The following EHD2 variants were observed in gnomAD, a reference collection of about 807,000 sequenced individuals.
The protein encoded by EHD2 is EH domain-containing protein 2.
In EHD2, 27 loss-of-function variants were observed where a neutral mutation model predicts 41.0. The observed-to-expected ratio is 0.66, with a 90% CI of 0.49 to 0.91. The LOEUF (loss-of-function observed/expected upper bound fraction) is 0.91, where lower values mean the gene tolerates loss of function less well. Ranked by LOEUF, EHD2 falls within the 40% of genes least tolerant of loss-of-function variation. EHD2 has a pLI of 0.00. For synonymous variants in EHD2, 342 were observed against 341.0 expected, an observed-to-expected ratio of 1.00 and a Z score of -0.03; for missense variants, 673 against 773.9, an observed-to-expected ratio of 0.87 and a Z score of 1.55.
chr19:47,721,032 T>C (rs534552415), intron 3 of EHD2, among the ~76,000 whole-genome samples: 2 of 152,262 alleles, frequency 1.3e-5, no homozygotes, highest in East Asian at 3.9e-4. Context: ...ATGCCGTGTG[T>C]GCATCTCACA....
rs1973594594 is a variant in EHD2, at chr19:47,713,476, C to G, written c.-118C>G. On this transcript the variant is annotated 5_prime_UTR_variant, in exon 1 of 6. Transcript: ENST00000263277. ...GGCCGCTCCGCGGGCGCTTCGGATC[C>G]TCGCGGGACCCCACCCTCTCCCAGC... 1 of 152,444 alleles carries G rather than the reference C, an allele frequency of 6.6e-6. No individual in the cohort carries two copies. The allele number at this position is 152,444 out of a possible 1,614,324, so 9.4% of individuals were successfully genotyped here.
Position 47,716,735 on chromosome 19 carries a change from CT to C in EHD2, c.126del (p.Phe42LeufsTer124). The C allele has an allele frequency of 6.2e-7, 1 of 1,613,428 alleles. No homozygotes were observed. The highest frequency in any genetic ancestry group is 8.5e-7 in the Non-Finnish European group (1 of 1,179,780). ...TGCTGCCGCTGGAGGAGCACTACCGCTTTGGGGCCTTCCACTCGCCGGCCCT... is the reference window on the plus strand; with the variant it reads ...TGCTGCCGCTGGAGGAGCACTACCGCTTGGGGCCTTCCACTCGCCGGCCCT... Reference protein sequence around the residue: ...KLLPLEEHYRFGAFHSPALED... With the variant: ...KLLPLEEHYRXGAFHSPALED... On this transcript the variant is annotated frameshift_variant, in exon 2 of 6. Coordinates refer to ENST00000263277, the MANE Select transcript of EHD2 (RefSeq NM_014601.4). LOFTEE classifies it high-confidence loss of function.
At chr19:47,718,702 C>T in intron 3 of EHD2, 96 bp downstream of exon 3, 1 of 1,072,982 alleles carries the variant, frequency 9.3e-7, no homozygotes, top group Non-Finnish European at 1.3e-6. Context: ...ACTCCTGGGT[C>T]TGAGGGAGGA....
chr19:47,715,829 G>A (rs970847787), intron 1 of EHD2, among the ~76,000 whole-genome samples: 4 of 151,922 alleles, frequency 2.6e-5, no homozygotes, highest in Non-Finnish European at 4.4e-5. Context: ...GTGCAGTGGC[G>A]GGATCTCGGC....
rs1357128608 is a variant in EHD2, at chr19:47,736,026, T to C, written c.916-343T>C. 3.3e-5 allele frequency among the ~76,000 whole-genome samples: 5 copies of C among 152,158 alleles called. No individual in the cohort carries two copies. In the East Asian group the frequency reaches 9.7e-4, roughly 29 times the overall value. On this transcript the variant is annotated intron_variant, in intron 4 of 5. Coordinates refer to ENST00000263277, the MANE Select transcript of EHD2 (RefSeq NM_014601.4). ...GCCTGACCAGCATGGTGAAACCCCA[T>C]CTTTACTAAAAATACAAAAATTAGC...
rs537812017 is a variant in EHD2 at position 47,719,458 on chromosome 19, C to T, written c.502+852C>T. On this transcript the variant is annotated intron_variant, in intron 3 of 5. Coordinates refer to ENST00000263277, the MANE Select transcript of EHD2 (RefSeq NM_014601.4). The surrounding 1 kb of genome is among the most constrained non-coding windows in gnomAD (Gnocchi z 4.1). ...GGGGGTGGATTCCAGCCGGGGCCTC[C>T]GGGCGTGCTGAGCCCTCACCACCCC... Among the ~76,000 whole-genome samples the T allele has an allele frequency of 2.2e-4, 34 of 152,214 alleles. No homozygotes were observed. Among genetic ancestry groups the T allele is most frequent in the African/African-American group, 7.7e-4 (32 of 41,534 alleles).
chr19:47,736,404 G>A lies in EHD2; in HGVS notation c.951G>A (p.Glu317=). 1.2e-6 allele frequency: 2 copies of A among 1,613,550 alleles called. No individual in the cohort carries two copies. Among genetic ancestry groups the A allele is most frequent in the African/African-American group, 1.3e-5 (1 of 75,036 alleles). ...HAYIISYLKK[E]MPSVFGKENK... ...ACATCATCAGCTACCTGAAGAAGGA[G>A]ATGCCCTCTGTGTTTGGGAAGGAGA... Residue 317 remains glutamate (E), a synonymous_variant, in exon 5 of 6, where the codon GAG becomes GAA. Coordinates refer to ENST00000263277, the MANE Select transcript of EHD2 (RefSeq NM_014601.4).
intron 2 of EHD2, 30 bp from the exon 3 acceptor site, chr19:47,718,479 G>A (rs1275590005): frequency 2.6e-6 from 4 of 1,545,178 alleles, no homozygotes; most frequent in Non-Finnish European, 3.5e-6. Flanking sequence ...GTCCTTCCCT[G>A]TTGACCCCTG....
In EHD2 at chr19:47,741,568, C is replaced by T; in HGVS notation, c.*136C>T. The T allele has an allele frequency of 4.0e-6, 4 of 995,748 alleles. No individual in the cohort carries two copies. The highest frequency in any genetic ancestry group is 2.8e-5 in the Admixed American group (1 of 35,966). 61.7% of individuals were successfully genotyped at this position (995,748 alleles called of 1,614,324 possible). On this transcript the variant is annotated 3_prime_UTR_variant, in exon 6 of 6. Transcript: ENST00000263277. This position sits in a 1 kb window ranked among gnomAD's most constrained non-coding sequence, Gnocchi z 4.5. ...GGACCGGGGGTCTCCCTCCTCACTA[C>T]CGCCAGACACCCCGGTGGAAGCATT...
At chr19:47,722,905 G>T (rs1683867341) in intron 3 of EHD2, among the ~76,000 whole-genome samples, 1 of 152,184 alleles carries the variant, frequency 6.6e-6, no homozygotes, top group African/African-American at 2.4e-5. Flanking sequence ...TTCCTCATCT[G>T]GAAAATGGGG....
intron 4 of EHD2, among the ~76,000 whole-genome samples, chr19:47,731,888 C>T (rs546357605): frequency 1.0e-3 from 146 of 146,346 alleles, no homozygotes; most frequent in Non-Finnish European, 1.7e-3. Flanking sequence ...CCCGGGTTCA[C>T]GCCATTCTCC....
intron 5 of EHD2, among the ~76,000 whole-genome samples, chr19:47,739,159 T>C (rs922599322): frequency 1.4e-4 from 21 of 151,936 alleles, no homozygotes; most frequent in Non-Finnish European, 2.6e-4. Context: ...GAGTACAGTG[T>C]GGTGCTATCT....
intron 4 of EHD2, among the ~76,000 whole-genome samples, chr19:47,728,994 A>G (rs149223776): frequency 1.3e-3 from 202 of 152,312 alleles, no homozygotes; most frequent in African/African-American, 4.5e-3. Context: ...AATCTCCTCT[A>G]TGCCTGGCCT....
At chr19:47,729,377 C>T (rs528320937) in intron 4 of EHD2, among the ~76,000 whole-genome samples, 1 of 151,982 alleles carries the variant, frequency 6.6e-6, no homozygotes, top group South Asian at 2.1e-4. Context: ...TGAAAAAGTT[C>T]GGAGCAGGGA....
rs537895527 is a variant in EHD2, at chr19:47,726,259, G to C, written c.915+35G>C. ...CCTGAGGGCTGGGCGCGCATTCTTG[G>C]AGGAGGTTTCCTCGGTCCTCTCCTA... On this transcript the variant is annotated intron_variant, in intron 4 of 5. Coordinates refer to ENST00000263277, the MANE Select transcript of EHD2 (RefSeq NM_014601.4). 1.6e-5 allele frequency: 23 copies of C among 1,456,022 alleles called. No homozygotes were observed. The East Asian group carries it at 5.6e-4, about 36-fold the overall frequency. 90.2% of individuals were successfully genotyped at this position (1,456,022 alleles called of 1,614,324 possible).
chr19:47,718,623 C>A lies in EHD2; in HGVS notation c.502+17C>A. 1 of 1,528,768 alleles carries A rather than the reference C, an allele frequency of 6.5e-7. No individual in the cohort carries two copies. The highest frequency in any genetic ancestry group is 8.9e-7 in the Non-Finnish European group (1 of 1,129,728). The allele number at this position is 1,528,768 out of a possible 1,614,324, so 94.7% of individuals were successfully genotyped here. The stretch of plus-strand genomic sequence containing the variant: ...TGAGCCGCGGTGAGTGGGGCCAGAC[C>A]CTGGGGTCTGAGGGAGGAGGGGCTG... On this transcript the variant is annotated intron_variant, in intron 3 of 5. Coordinates refer to ENST00000263277, the MANE Select transcript of EHD2 (RefSeq NM_014601.4).
intron 4 of EHD2, among the ~76,000 whole-genome samples, chr19:47,728,924 T>C (rs979254476): frequency 4.0e-5 from 6 of 151,048 alleles, no homozygotes; most frequent in Non-Finnish European, 1.5e-5. Context: ...CGGAACAGAA[T>C]TGGTGCTCTG....
intron 4 of EHD2, among the ~76,000 whole-genome samples, chr19:47,727,605 C>T (rs929693437): frequency 2.0e-5 from 3 of 150,186 alleles, no homozygotes; most frequent in Non-Finnish European, 3.0e-5. Flanking sequence ...AGGCCAGGTG[C>T]GGTGGCTCAC....
At chr19:47,722,569 C>CT (rs34332497) in intron 3 of EHD2, among the ~76,000 whole-genome samples, 45,360 of 145,444 alleles carry the variant, frequency 0.31, 7,154 homozygotes, top group Middle Eastern at 0.46. Context: ...ACTTCTCTCT[C>CT]TTTTTTTTTT....
Sources: gnomAD v4.1 joint callset for allele counts (sites outside exome capture counted in the v4.1 genomes callset) on GRCh38, gnomAD v4.1.1 for gene constraint, Gnocchi (gnomAD v3.1) non-coding constraint, MANE v1.5 for transcripts, NCBI Gene and HGNC (gene_info 2026-07-23, HGNC 2026-07-21) for gene names.